The following NBAS variants were observed in gnomAD, a reference collection of about 807,000 sequenced individuals.
NBAS encodes NAG/BC035112 fusion.
In NBAS, 219 loss-of-function variants were observed where a neutral mutation model predicts 302.5. That is an observed-to-expected ratio of 0.72 (90% CI 0.65 to 0.81). The LOEUF is 0.81. Ranked by LOEUF, NBAS falls within the 30% of genes least tolerant of loss-of-function variation. NBAS has a pLI of 0.00. For synonymous variants in NBAS, 1,118 were observed against 1,021.6 expected (o/e 1.09, Z -1.80); for missense variants, 2,932 against 2,841.6 (o/e 1.03, Z -0.72).
At chr2:15,227,163 G>T (rs545873543) in intron 47 of NBAS, among the ~76,000 whole-genome samples, 1 of 152,084 alleles carries the variant, frequency 6.6e-6, no homozygotes, top group Non-Finnish European at 1.5e-5. Context: ...ATTTGGTCAA[G>T]CTGCAGATAT....
chr2:15,157,990 C>T, the NBAS span, among the ~76,000 whole-genome samples: 1 of 152,172 alleles, frequency 6.6e-6, no homozygotes, highest in East Asian at 1.9e-4. Context: ...CGGGCTCTGG[C>T]CACTCTGCAC....
the NBAS span, among the ~76,000 whole-genome samples, chr2:14,915,479 A>C: frequency 6.6e-6 from 1 of 152,134 alleles, no homozygotes; most frequent in African/African-American, 2.4e-5. Context: ...TGTGGGAGGG[A>C]CCCAGAGGGA....
At chr2:15,170,658 C>A (rs575254179) in intron 51 of NBAS, among the ~76,000 whole-genome samples, 37 of 152,198 alleles carry the variant, frequency 2.4e-4, no homozygotes, top group Non-Finnish European at 4.6e-4. Flanking sequence ...GCAAGAAATA[C>A]AGAATGGCCA....
the NBAS span, among the ~76,000 whole-genome samples, chr2:14,846,783 C>T: frequency 6.6e-6 from 1 of 151,742 alleles, no homozygotes; most frequent in Non-Finnish European, 1.5e-5. Flanking sequence ...TATTTGCAAG[C>T]CTCATGTAGC....
At chr2:14,876,861 T>G in the NBAS span, among the ~76,000 whole-genome samples, 2 of 152,374 alleles carry the variant, frequency 1.3e-5, no homozygotes. Flanking sequence ...GTGTCCAGCC[T>G]GCTTCTGATG....
intron 21 of NBAS, among the ~76,000 whole-genome samples, chr2:15,428,527 C>G (rs1677591545): frequency 6.6e-6 from 1 of 152,064 alleles, no homozygotes; most frequent in African/African-American, 2.4e-5. Context: ...CCAAGGAGTT[C>G]AAGGCTAGCC....
At chr2:15,399,188 T>TA (rs1676023680) in intron 26 of NBAS, among the ~76,000 whole-genome samples, 1 of 152,186 alleles carries the variant, frequency 6.6e-6, no homozygotes, top group African/African-American at 2.4e-5. Context: ...TTTTAAGAGT[T>TA]ATGCACACGA....
At chr2:15,221,878 C>T (rs1185254674) in intron 47 of NBAS, among the ~76,000 whole-genome samples, 3 of 152,184 alleles carry the variant, frequency 2.0e-5, no homozygotes, top group South Asian at 2.1e-4. Context: ...GCTGAAAAGG[C>T]GGTGCAGTTT....
At chr2:14,979,961 T>G in the NBAS span, among the ~76,000 whole-genome samples, 3 of 152,138 alleles carry the variant, frequency 2.0e-5, no homozygotes, top group Non-Finnish European at 4.4e-5. Flanking sequence ...CTTAAAATCC[T>G]GCTAAATGTG....
intron 15 of NBAS, among the ~76,000 whole-genome samples, chr2:15,473,618 C>T (rs1272273584): frequency 6.6e-6 from 1 of 152,206 alleles, no homozygotes. Context: ...CATGGAACAA[C>T]CCGGCTTCTA....
the NBAS span, among the ~76,000 whole-genome samples, chr2:14,887,036 G>A: frequency 2.4e-3 from 359 of 152,266 alleles, 2 homozygotes; most frequent in Admixed American, 4.0e-3. Context: ...ACAGAAAAAA[G>A]AATTTGTCAT....
chr2:14,914,294 G>A, the NBAS span, among the ~76,000 whole-genome samples: 1 of 152,184 alleles, frequency 6.6e-6, no homozygotes, highest in African/African-American at 2.4e-5. Flanking sequence ...AGATAAGACT[G>A]ACAGCAGTTT....
chr2:15,013,626 A>T, the NBAS span, among the ~76,000 whole-genome samples: 1 of 152,010 alleles, frequency 6.6e-6, no homozygotes, highest in African/African-American at 2.4e-5. Context: ...CTACTAAAAA[A>T]TAAAAAAATT....
At chr2:14,799,110 C>CT in the NBAS span, among the ~76,000 whole-genome samples, 4 of 151,652 alleles carry the variant, frequency 2.6e-5, no homozygotes, top group African/African-American at 9.7e-5. Flanking sequence ...ACTATTTATT[C>CT]TTTTTTTCTG....
At chr2:14,999,000 C>T in the NBAS span, among the ~76,000 whole-genome samples, 1 of 152,196 alleles carries the variant, frequency 6.6e-6, no homozygotes, top group Admixed American at 6.5e-5. Flanking sequence ...GTGAGCCTCT[C>T]TCTCCTCTTG....
the NBAS span, among the ~76,000 whole-genome samples, chr2:14,863,335 T>C: frequency 2.0e-5 from 3 of 151,926 alleles, no homozygotes; most frequent in Non-Finnish European, 4.4e-5. Flanking sequence ...GGAAGGGAGA[T>C]AGGAGAGGGG....
chr2:14,865,950 C>T, the NBAS span, among the ~76,000 whole-genome samples: 5 of 152,162 alleles, frequency 3.3e-5, no homozygotes, highest in African/African-American at 1.2e-4. Context: ...ATCTCATACT[C>T]TTTCAATTTT....
the NBAS span, among the ~76,000 whole-genome samples, chr2:15,045,836 CA>C: frequency 6.6e-6 from 1 of 152,178 alleles, no homozygotes; most frequent in Non-Finnish European, 1.5e-5. Flanking sequence ...TAACAGTCTA[CA>C]AGAGTTTCTT....
chr2:15,458,950 C>G (rs1679380023), intron 21 of NBAS, among the ~76,000 whole-genome samples: 1 of 152,120 alleles, frequency 6.6e-6, no homozygotes, highest in African/African-American at 2.4e-5. Context: ...AACAATGATT[C>G]AAAATAACAT....
Sources: allele counts gnomAD v4.1 joint callset (sites outside exome capture counted in the v4.1 genomes callset), GRCh38; gene constraint gnomAD v4.1.1; transcripts MANE v1.5; gene names NCBI Gene and HGNC (gene_info 2026-07-23, HGNC 2026-07-21).